CDH18: variants seen among roughly 807,000 people sequenced by gnomAD.
CDH18 encodes cadherin-18.
A neutral mutation model predicts 67.9 loss-of-function variants in CDH18; 31 were observed. That is an observed-to-expected ratio of 0.46 (90% CI 0.34 to 0.62). The LOEUF (loss-of-function observed/expected upper bound fraction) is 0.62, where lower values mean the gene tolerates loss of function less well. Ranked by LOEUF, CDH18 falls within the 20% of genes least tolerant of loss-of-function variation. CDH18 has a pLI of 0.01. For synonymous variants in CDH18, 362 were observed against 347.2 expected (o/e 1.04, Z -0.48); for missense variants, 890 against 975.5 (o/e 0.91, Z 1.17).
At chr5:19,616,701 C>T (rs62351275) in intron 5 of CDH18, among the ~76,000 whole-genome samples, 8,765 of 152,164 alleles carry the variant, frequency 0.058, 286 homozygotes, top group Non-Finnish European at 0.074. Context: ...CAGACTATTG[C>T]GTTAATCTCT....
chr5:20,517,566 A>T (rs766303638), intron 1 of CDH18, among the ~76,000 whole-genome samples: 4 of 152,022 alleles, frequency 2.6e-5, no homozygotes, highest in African/African-American at 9.7e-5. Context: ...TAAATAAATG[A>T]TGGTTCCCTT....
At position 20,273,564 on chromosome 5, in the gene CDH18, T is replaced by C. The variant is rs533361602; in HGVS notation, c.-579-18059A>G. Among the ~76,000 whole-genome samples the C allele has an allele frequency of 3.3e-5, 5 of 152,248 alleles. No homozygotes were observed. In the South Asian group the frequency reaches 1.0e-3, roughly 32 times the overall value. ...AGAACTTCTGTTGCCCAGTGCTTGA[T>C]ATTTCAGGTTTAGTGTGGCATCTAG... On this transcript the variant is annotated intron_variant, in intron 1 of 14. Coordinates refer to the CDH18 transcript ENST00000507958.
chr5:19,687,344 C>T (rs1761244193), intron 5 of CDH18, among the ~76,000 whole-genome samples: 2 of 152,158 alleles, frequency 1.3e-5, no homozygotes, highest in Admixed American at 1.3e-4. Context: ...CCAAATAGCC[C>T]CTGCATCTCA....
intron 1 of CDH18, among the ~76,000 whole-genome samples, chr5:20,395,393 G>C (rs941688672): frequency 2.6e-5 from 4 of 152,052 alleles, no homozygotes; most frequent in Non-Finnish European, 5.9e-5. Flanking sequence ...CTAACCTATG[G>C]GTACTCAAAG....
intron 5 of CDH18, among the ~76,000 whole-genome samples, chr5:19,627,423 C>T (rs557279572): frequency 6.6e-6 from 1 of 152,282 alleles, no homozygotes; most frequent in Admixed American, 6.5e-5. Context: ...AACTGAGCAA[C>T]TTCTTTGCTG....
chr5:19,767,694 AATC>A (rs1434185295), intron 3 of CDH18, among the ~76,000 whole-genome samples: 1 of 152,138 alleles, frequency 6.6e-6, no homozygotes, highest in East Asian at 1.9e-4. Flanking sequence ...AAGTCTTATA[AATC>A]ATCATATTAT....
chr5:19,801,421 T>G (rs1482950421), intron 3 of CDH18, among the ~76,000 whole-genome samples: 4 of 152,154 alleles, frequency 2.6e-5, no homozygotes, highest in Non-Finnish European at 5.9e-5. Flanking sequence ...ATAAAATGAG[T>G]CTAAAGACCA....
intron 8 of CDH18, among the ~76,000 whole-genome samples, chr5:19,564,544 A>G (rs1231744553): frequency 6.6e-6 from 1 of 152,112 alleles, no homozygotes; most frequent in Non-Finnish European, 1.5e-5. Flanking sequence ...GATCCCTTGG[A>G]CCTTGAGTAA....
intron 2 of CDH18, among the ~76,000 whole-genome samples, chr5:20,117,534 G>A (rs941894458): frequency 1.3e-5 from 2 of 151,998 alleles, no homozygotes; most frequent in Admixed American, 6.6e-5. Context: ...TCTAAATTGA[G>A]GATCTATTAA....
At chr5:19,522,436 G>GTTT (rs1240322695) in intron 9 of CDH18, among the ~76,000 whole-genome samples, 5 of 152,100 alleles carry the variant, frequency 3.3e-5, no homozygotes, top group African/African-American at 1.2e-4. Flanking sequence ...TACGTCTGCG[G>GTTT]TTAAAGAGAC....
At chr5:20,107,487 T>A (rs1333675050) in intron 2 of CDH18, among the ~76,000 whole-genome samples, 1 of 152,206 alleles carries the variant, frequency 6.6e-6, no homozygotes, top group Admixed American at 6.5e-5. Context: ...TTGTTTTGAT[T>A]TATCTATATT....
intron 2 of CDH18, among the ~76,000 whole-genome samples, chr5:19,960,578 T>TATACATATACAC (rs1796701720): frequency 7.3e-6 from 1 of 137,238 alleles, no homozygotes; most frequent in African/African-American, 3.1e-5. Flanking sequence ...TGTGTGTGTG[T>TATACATATACAC]GTGTGTGTGT....
Position 20,561,743 on chromosome 5 carries a change from T to A in CDH18, c.-580+13719A>T, listed in dbSNP as rs186271680. On this transcript the variant is annotated intron_variant, in intron 1 of 14. Coordinates refer to the CDH18 transcript ENST00000507958. ...TAAGAGTAAATCCTAAGAAATAAAG[T>A]CTATTCAAAAGAGAAAAAAATTAAA... is the stretch of plus-strand genomic sequence containing the variant. Among the ~76,000 whole-genome samples, 3 of 152,038 alleles carry A rather than the reference T, an allele frequency of 2.0e-5. No homozygotes were observed. In the East Asian group the frequency reaches 5.8e-4, roughly 29 times the overall value.
chr5:19,483,598 A>G (rs1195338517), intron 11 of CDH18, 46 bp from the exon 12 acceptor site: 2 of 1,527,134 alleles, frequency 1.3e-6, no homozygotes, highest in African/African-American at 2.8e-5. Context: ...TCAAGCCGCC[A>G]TTCAAGATTC....
chr5:19,724,878 A>C (rs1418743738), intron 4 of CDH18, among the ~76,000 whole-genome samples: 1 of 150,934 alleles, frequency 6.6e-6, no homozygotes, highest in Non-Finnish European at 1.5e-5. Context: ...CATATAGACT[A>C]TCTCTTCCAC....
At chr5:19,625,330 T>C (rs1751371050) in intron 5 of CDH18, among the ~76,000 whole-genome samples, 1 of 152,124 alleles carries the variant, frequency 6.6e-6, no homozygotes, top group Non-Finnish European at 1.5e-5. Flanking sequence ...TTGTTTTTTT[T>C]TTCCCCACTA....
chr5:19,639,292 C>T (rs545612926), intron 5 of CDH18, among the ~76,000 whole-genome samples: 1 of 152,210 alleles, frequency 6.6e-6, no homozygotes, highest in South Asian at 2.1e-4. Flanking sequence ...TGAGCCACCG[C>T]GCCCGGCCTG....
chr5:20,129,219 A>T (rs1749067157), intron 2 of CDH18, among the ~76,000 whole-genome samples: 1 of 152,058 alleles, frequency 6.6e-6, no homozygotes, highest in African/African-American at 2.4e-5. Context: ...AATAAGAAAA[A>T]AAATATAGAC....
At chr5:20,173,026 T>C (rs1736960636) in intron 2 of CDH18, among the ~76,000 whole-genome samples, 1 of 151,128 alleles carries the variant, frequency 6.6e-6, no homozygotes, top group Non-Finnish European at 1.5e-5. Flanking sequence ...GAAAGAAATA[T>C]CCATTGTCTA....
Sources: gnomAD v4.1 joint callset for allele counts (sites outside exome capture counted in the v4.1 genomes callset) on GRCh38, gnomAD v4.1.1 for gene constraint, MANE v1.5 for transcripts, NCBI Gene and HGNC (gene_info 2026-07-23, HGNC 2026-07-21) for gene names.